Variants in CDC73 observed in about 807,000 individuals in gnomAD.
The protein encoded by CDC73 is parafibromin.
In CDC73, 21 loss-of-function variants were observed where a neutral mutation model predicts 83.7. The observed-to-expected ratio is 0.25, with a 90% CI of 0.18 to 0.36. The LOEUF is 0.36. CDC73 is among the 10% of genes least tolerant of loss of function. The probability of loss-of-function intolerance (pLI) is 1.00; values close to 1 mark genes in which losing one functional copy is unlikely to be tolerated. For synonymous variants in CDC73, 224 were observed against 212.9 expected, an observed-to-expected ratio of 1.05 and a Z score of -0.45; for missense variants, 342 against 653.3, an observed-to-expected ratio of 0.52 and a Z score of 5.19.
intron 11 of CDC73, among the ~76,000 whole-genome samples, chr1:193,206,824 C>T (rs917615800): frequency 1.3e-5 from 2 of 152,124 alleles, no homozygotes; most frequent in African/African-American, 4.8e-5. Context: ...TTATTTAGTG[C>T]TGTTGTGCCA....
At chr1:193,172,255 T>A (rs77368729) in intron 10 of CDC73, among the ~76,000 whole-genome samples, 7 of 149,954 alleles carry the variant, frequency 4.7e-5, no homozygotes, top group South Asian at 2.1e-4. Flanking sequence ...TTTTTTTTTT[T>A]AAGAAAATTA....
At position 193,141,950 on chromosome 1, in the gene CDC73, A is replaced by C. The variant is rs771679060; in HGVS notation, c.613A>C (p.Ile205Leu). ...TATCAAGACTGATCTAGATGATGAC[A>C]TAACTGCCCTTAAACAGAGGAGTTT... ...STIKTDLDDD[I>L]TALKQRSFVD... Residue 205 changes from isoleucine (I) to leucine (L), a missense_variant, in exon 7 of 17, where the codon ATA becomes CTA. Around this residue, in one of 3 missense-constraint regions of CDC73, gnomAD observed 239 missense variants for 420.6 expected, o/e 0.57. Coordinates refer to ENST00000367435, the MANE Select transcript of CDC73 (RefSeq NM_024529.5). The C allele has an allele frequency of 6.2e-7, 1 of 1,613,954 alleles. No homozygotes were observed. The highest frequency in any genetic ancestry group is 8.5e-7 in the Non-Finnish European group (1 of 1,179,836).
At chr1:193,145,518 T>A (rs2103129003) in intron 7 of CDC73, among the ~76,000 whole-genome samples, 1 of 152,050 alleles carries the variant, frequency 6.6e-6, no homozygotes, top group South Asian at 2.1e-4. Context: ...CTCTTTCTTG[T>A]CATTACTTTT....
At chr1:193,205,945 G>A (rs1024390815) in intron 11 of CDC73, among the ~76,000 whole-genome samples, 1 of 152,114 alleles carries the variant, frequency 6.6e-6, no homozygotes, top group African/African-American at 2.4e-5. Context: ...GTAGGGATGG[G>A]AGGTTATGGT....
chr1:193,240,091 A>G (rs550523946), intron 15 of CDC73, among the ~76,000 whole-genome samples: 21 of 152,256 alleles, frequency 1.4e-4, no homozygotes, highest in Non-Finnish European at 3.1e-4. Flanking sequence ...ACGTTCCCAC[A>G]TAAAAGTGAG....
At chr1:193,141,704 A>ACTTGCT in intron 6 of CDC73, 146 bp from the exon 7 acceptor site, 1 of 626,762 alleles carries the variant, frequency 1.6e-6, no homozygotes, top group Non-Finnish European at 2.8e-6. Context: ...ATAATTGCAG[A>ACTTGCT]ATAGCAAGTC....
At chr1:193,203,096 A>G (rs1011107514) in intron 10 of CDC73, among the ~76,000 whole-genome samples, 2 of 152,128 alleles carry the variant, frequency 1.3e-5, no homozygotes, top group Non-Finnish European at 2.9e-5. Flanking sequence ...TATGATTGAA[A>G]CTTGCACTAA....
chr1:193,179,833 C>A (rs1237865506), intron 10 of CDC73: 1 of 152,458 alleles, frequency 6.6e-6, no homozygotes, highest in Non-Finnish European at 1.5e-5. Context: ...TAAAATAGGT[C>A]AAAAAATTTA....
chr1:193,226,934 TC>T (rs1677576047), intron 13 of CDC73, among the ~76,000 whole-genome samples: 1 of 152,180 alleles, frequency 6.6e-6, no homozygotes, highest in South Asian at 2.1e-4. Flanking sequence ...CAGCTGTGAA[TC>T]CTTCTGGTTC....
At chr1:193,197,203 T>C (rs1420620083) in intron 10 of CDC73, among the ~76,000 whole-genome samples, 2 of 152,230 alleles carry the variant, frequency 1.3e-5, no homozygotes, top group African/African-American at 2.4e-5. Flanking sequence ...TGAGGGTTTT[T>C]CACCTTTATC....
At chr1:193,156,427 A>G (rs569380260) in intron 10 of CDC73, among the ~76,000 whole-genome samples, 12 of 152,314 alleles carry the variant, frequency 7.9e-5, no homozygotes, top group East Asian at 3.9e-4. Flanking sequence ...GCTTGAATTT[A>G]TTCCAACAGT....
chr1:193,231,601 T>C (rs1427548805), intron 13 of CDC73, among the ~76,000 whole-genome samples: 2 of 152,132 alleles, frequency 1.3e-5, no homozygotes, highest in African/African-American at 4.8e-5. Context: ...CCAAATGCCA[T>C]AGGAAGCAAA....
chr1:193,238,400 C>T (rs951285990), intron 15 of CDC73, among the ~76,000 whole-genome samples: 2 of 152,186 alleles, frequency 1.3e-5, no homozygotes, highest in Non-Finnish European at 2.9e-5. Context: ...CTGGCTCTTG[C>T]TCTGTACTAA....
intron 13 of CDC73, among the ~76,000 whole-genome samples, chr1:193,220,347 A>G (rs1229175401): frequency 6.6e-6 from 1 of 151,758 alleles, no homozygotes; most frequent in Non-Finnish European, 1.5e-5. Context: ...TATTTTTAGT[A>G]GAGACGGGGT....
rs201494057 is a variant in CDC73 at position 193,185,725 on chromosome 1, AT to A, written c.973-18061del. 1.7e-4 allele frequency among the ~76,000 whole-genome samples: 26 copies of A among 151,578 alleles called. 1 individual carries two copies. The East Asian group carries it at 2.1e-3, about 12-fold the overall frequency. ...CTGTGTTTTTTGTAAAGGGCTACAG[AT>A]TTTTTTTTAAGTTTAATTTCTTAAG... On this transcript the variant is annotated intron_variant, in intron 10 of 16. Coordinates refer to ENST00000367435, the MANE Select transcript of CDC73 (RefSeq NM_024529.5).
intron 2 of CDC73, among the ~76,000 whole-genome samples, chr1:193,129,480 A>G (rs1158037493): frequency 6.7e-6 from 1 of 149,662 alleles, no homozygotes; most frequent in Non-Finnish European, 1.5e-5. Context: ...CTGGAATTTC[A>G]AAAAGAAATT....
chr1:193,127,661 A>G (rs1675602683), intron 2 of CDC73, among the ~76,000 whole-genome samples: 1 of 152,072 alleles, frequency 6.6e-6, no homozygotes, highest in Admixed American at 6.6e-5. Flanking sequence ...GTTACTGTGG[A>G]CCTTGGGACC....
At position 193,192,758 on chromosome 1, in the gene CDC73, C is replaced by T. The variant is rs138854871; in HGVS notation, c.973-11037C>T. On this transcript the variant is annotated intron_variant, in intron 10 of 16. Transcript: ENST00000367435. ...CCACGTGCCAACTAACTGGCCTTGC[C>T]GGCATTTATTCAGCACAGATTTAAT... Among the ~76,000 whole-genome samples, 618 of 152,286 alleles carry T rather than the reference C, an allele frequency of 4.1e-3. 3 individuals are homozygous for T. The highest frequency in any genetic ancestry group is 7.1e-3 in the African/African-American group (297 of 41,558).
At chr1:193,126,352 G>T (rs1442925126) in intron 2 of CDC73, among the ~76,000 whole-genome samples, 1 of 152,070 alleles carries the variant, frequency 6.6e-6, no homozygotes, top group African/African-American at 2.4e-5. Flanking sequence ...TTATTACTCA[G>T]AGGAAATATT....
Sources: allele counts gnomAD v4.1 joint callset (sites outside exome capture counted in the v4.1 genomes callset), GRCh38; gene constraint gnomAD v4.1.1; regional missense constraint gnomAD v4.1.1; transcripts MANE v1.5; gene names NCBI Gene and HGNC (gene_info 2026-07-23, HGNC 2026-07-21).